STXBP6: variants seen among roughly 807,000 people sequenced by gnomAD.
STXBP6 encodes the protein syntaxin-binding protein 6.
A neutral mutation model predicts 26.9 loss-of-function variants in STXBP6; 21 were observed. That is an observed-to-expected ratio of 0.78 (90% CI 0.55 to 1.12). The LOEUF (loss-of-function observed/expected upper bound fraction) is 1.12, where lower values mean the gene tolerates loss of function less well. Ranked by LOEUF, STXBP6 falls within the 50% of genes most tolerant of loss-of-function variation. STXBP6 has a pLI of 0.00. For synonymous variants in STXBP6, 97 were observed against 92.6 expected (o/e 1.05, Z -0.27); for missense variants, 232 against 257.9 (o/e 0.90, Z 0.69).
At chr14:25,010,291 T>TA (rs2074999342) in intron 1 of STXBP6, among the ~76,000 whole-genome samples, 1 of 152,246 alleles carries the variant, frequency 6.6e-6, no homozygotes, top group Non-Finnish European at 1.5e-5. Flanking sequence ...GTTTCCACGT[T>TA]AATAAAACTT....
intron 4 of STXBP6, among the ~76,000 whole-genome samples, chr14:24,842,035 T>G (rs1460449228): frequency 6.6e-6 from 1 of 152,304 alleles, no homozygotes; most frequent in East Asian, 1.9e-4. Context: ...GTTTTATTAT[T>G]TCCTGTGCTG....
At chr14:24,873,164 T>A (rs1358711862) in intron 2 of STXBP6, among the ~76,000 whole-genome samples, 1 of 152,172 alleles carries the variant, frequency 6.6e-6, no homozygotes, top group Admixed American at 6.5e-5. Context: ...TCAGAACGCA[T>A]AAGCCTCCCT....
In STXBP6 at chr14:24,819,087, T is replaced by C. The variant is rs1467517385; in HGVS notation, c.559A>G (p.Thr187Ala). The C allele has an allele frequency of 1.9e-6, 3 of 1,613,422 alleles. No homozygotes were observed. Among genetic ancestry groups the C allele is most frequent in the African/African-American group, 2.7e-5 (2 of 74,928 alleles). Reference sequence around the variant, plus strand: ...TGGGCGCTGTTCTTCAGGTCTTCTGTCTTCTCCTCTGCTCGGCCTAATCGC... The same window carrying C: ...TGGGCGCTGTTCTTCAGGTCTTCTGCCTTCTCCTCTGCTCGGCCTAATCGC... ...GERLGRAEEK[T>A]EDLKNSAQQF... Residue 187 changes from threonine to alanine, a missense_variant, in exon 5 of 6, where the codon ACA becomes GCA. Coordinates refer to ENST00000323944, the MANE Select transcript of STXBP6 (RefSeq NM_001394410.1).
chr14:24,853,745 A>T (rs2069234759), intron 4 of STXBP6, among the ~76,000 whole-genome samples: 1 of 152,080 alleles, frequency 6.6e-6, no homozygotes, highest in Admixed American at 6.6e-5. Context: ...GGAAACCAAT[A>T]TTCGGCTTGC....
chr14:24,819,300 G>T, intron 4 of STXBP6, 106 bp from the exon 5 acceptor site: 1 of 1,309,904 alleles, frequency 7.6e-7, no homozygotes, highest in African/African-American at 1.4e-5. Flanking sequence ...TCACACTGCA[G>T]AAAGGCCGCT....
rs2075768742 is a variant in STXBP6 at position 25,049,210 on chromosome 14, C to G, written c.-33+668G>C. On this transcript the variant is annotated intron_variant, in intron 1 of 5. Transcript: ENST00000323944. This position sits in a 1 kb window ranked among gnomAD's most constrained non-coding sequence, Gnocchi z 5.6. Reference sequence around the variant, plus strand: ...GAGGGAAAATCAAGCCACCCACCTACTCCAGCCACGTTGCCCGGCGGTGTT... The same window carrying G: ...GAGGGAAAATCAAGCCACCCACCTAGTCCAGCCACGTTGCCCGGCGGTGTT... The G allele has an allele frequency of 2.0e-6, 2 of 985,340 alleles. No homozygotes were observed. Among genetic ancestry groups the G allele is most frequent in the Admixed American group, 1.2e-4 (2 of 16,268 alleles). The allele number at this position is 985,340 out of a possible 1,614,324, so 61.0% of individuals were successfully genotyped here.
chr14:24,869,902 G>A (rs2069866359), intron 2 of STXBP6, among the ~76,000 whole-genome samples: 1 of 152,152 alleles, frequency 6.6e-6, no homozygotes, highest in African/African-American at 2.4e-5. Context: ...ATGGGGTTCA[G>A]GGATAGAGCT....
chr14:24,977,019 C>T (rs1051602479), intron 1 of STXBP6, among the ~76,000 whole-genome samples: 8 of 151,706 alleles, frequency 5.3e-5, no homozygotes, highest in Admixed American at 1.3e-4. Context: ...CCTACCACCA[C>T]GCCCAGCTAA....
intron 2 of STXBP6, among the ~76,000 whole-genome samples, chr14:24,928,761 A>G (rs2072274035): frequency 6.6e-6 from 1 of 152,210 alleles, no homozygotes; most frequent in Non-Finnish European, 1.5e-5. Context: ...TGATTTATTC[A>G]TTCCAAAGGT....
intron 2 of STXBP6, among the ~76,000 whole-genome samples, chr14:24,963,753 T>A (rs1019891190): frequency 6.6e-6 from 1 of 152,204 alleles, no homozygotes; most frequent in African/African-American, 2.4e-5. Context: ...AATTTTAAGA[T>A]AACCGCTTTC....
chr14:24,833,171 T>G (rs367619549), intron 4 of STXBP6, among the ~76,000 whole-genome samples: 1 of 152,204 alleles, frequency 6.6e-6, no homozygotes, highest in Non-Finnish European at 1.5e-5. Flanking sequence ...CCCAGCCTCA[T>G]GACGTTGCAG....
At chr14:24,829,729 G>C (rs2068399428) in intron 4 of STXBP6, among the ~76,000 whole-genome samples, 3 of 150,998 alleles carry the variant, frequency 2.0e-5, no homozygotes, top group South Asian at 4.2e-4. Context: ...AGGCACAGCA[G>C]CAGGCTGGGA....
chr14:24,994,312 C>T (rs773394125), intron 1 of STXBP6, among the ~76,000 whole-genome samples: 1 of 152,178 alleles, frequency 6.6e-6, no homozygotes, highest in Non-Finnish European at 1.5e-5. Flanking sequence ...CTGTCATCAA[C>T]TTAATAGCTC....
chr14:24,912,165 G>A (rs1235529878), intron 2 of STXBP6, among the ~76,000 whole-genome samples: 1 of 152,060 alleles, frequency 6.6e-6, no homozygotes, highest in Non-Finnish European at 1.5e-5. Flanking sequence ...TCTGAACAAG[G>A]AATTCGTAGA....
At chr14:25,019,862 T>G (rs1265782599) in intron 1 of STXBP6, among the ~76,000 whole-genome samples, 1 of 146,810 alleles carries the variant, frequency 6.8e-6, no homozygotes, top group East Asian at 2.0e-4. Flanking sequence ...AATACAAGTT[T>G]CGTGGGTTTT....
At chr14:24,813,101 C>T (rs2067870664) in intron 5 of STXBP6, among the ~76,000 whole-genome samples, 1 of 152,138 alleles carries the variant, frequency 6.6e-6, no homozygotes, top group Non-Finnish European at 1.5e-5. Context: ...TCAGGAGAAG[C>T]AACACCCCTG....
intron 4 of STXBP6, among the ~76,000 whole-genome samples, chr14:24,832,970 C>T (rs2068500855): frequency 1.3e-5 from 2 of 152,192 alleles, no homozygotes; most frequent in Non-Finnish European, 2.9e-5. Context: ...ACTGTTACTT[C>T]TCTCTTAAAA....
intron 2 of STXBP6, among the ~76,000 whole-genome samples, chr14:24,924,544 A>G (rs1351908994): frequency 2.0e-5 from 3 of 152,186 alleles, no homozygotes; most frequent in Non-Finnish European, 4.4e-5. Flanking sequence ...GAAGCATAGC[A>G]AGGGTCATGA....
At chr14:24,967,931 G>A (rs1037057842) in intron 2 of STXBP6, among the ~76,000 whole-genome samples, 7 of 152,050 alleles carry the variant, frequency 4.6e-5, no homozygotes, top group African/African-American at 1.7e-4. Context: ...ATGGGTCAGG[G>A]ACCAGGTGGA....
Sources: allele counts gnomAD v4.1 joint callset (sites outside exome capture counted in the v4.1 genomes callset), GRCh38; gene constraint gnomAD v4.1.1; non-coding constraint Gnocchi (gnomAD v3.1); transcripts MANE v1.5; gene names NCBI Gene and HGNC (gene_info 2026-07-23, HGNC 2026-07-21).